The following SHISAL1 variants were observed in gnomAD, a reference collection of about 807,000 sequenced individuals.
SHISAL1 encodes the protein shisa like 1, also known as protein shisa-like-1.
Under a neutral mutation model 22.6 loss-of-function variants are expected in SHISAL1, and 9 were observed. The observed-to-expected ratio is 0.40, with a 90% confidence interval of 0.24 to 0.70. The LOEUF is 0.70. Ranked by LOEUF, SHISAL1 falls within the 30% of genes least tolerant of loss-of-function variation. The pLI, the probability that SHISAL1 is intolerant of heterozygous loss-of-function variation, is 0.39. For missense variants in SHISAL1, 246 were observed against 270.6 expected (o/e 0.91, Z 0.64); for synonymous variants, 119 against 115.4 (o/e 1.03, Z -0.20).
chr22:44,260,583 G>A (rs1025926274), intron 4 of SHISAL1, among the ~76,000 whole-genome samples: 13 of 152,196 alleles, frequency 8.5e-5, no homozygotes, highest in African/African-American at 2.9e-4. Flanking sequence ...TGGTTTCCCC[G>A]GGAATGGTAA....
chr22:44,250,885 G>A (rs1169159311), intron 4 of SHISAL1, among the ~76,000 whole-genome samples: 8 of 152,228 alleles, frequency 5.3e-5, no homozygotes, highest in Non-Finnish European at 8.8e-5. Flanking sequence ...TCAAGGGAGT[G>A]GCTCCGACCA....
At chr22:44,284,467 G>A (rs75401045) in intron 4 of SHISAL1, among the ~76,000 whole-genome samples, 1,672 of 152,194 alleles carry the variant, frequency 0.011, 15 homozygotes, top group Middle Eastern at 0.02. Flanking sequence ...GTCACTGTGC[G>A]GCAAACTCCT....
chr22:44,312,561 T>C (rs1209147858), intron 1 of SHISAL1, among the ~76,000 whole-genome samples, 190 bp downstream of exon 1: 1 of 152,194 alleles, frequency 6.6e-6, no homozygotes, highest in African/African-American at 2.4e-5. Context: ...GCTCCCCATC[T>C]TGCCCCACTG....
chr22:44,249,539 G>T lies in SHISAL1; in HGVS notation c.*146C>A. On this transcript the variant is annotated 3_prime_UTR_variant, in exon 5 of 5. Transcript: ENST00000381176. ...TAATCTTAGAAGTCCGCGGAAGGGG[G>T]CTTTGGGCACAGGCAGCATTTCCTC... The T allele has an allele frequency of 1.5e-6, 1 of 668,974 alleles. No homozygotes were observed. Among genetic ancestry groups the T allele is most frequent in the Non-Finnish European group, 2.8e-6 (1 of 363,076 alleles). The allele number at this position is 668,974 out of a possible 1,614,324, so 41.4% of individuals were successfully genotyped here.
At chr22:44,313,265 C>A (rs62230309), upstream of SHISAL1, among the ~76,000 whole-genome samples, 26,146 of 152,302 alleles carry the variant, frequency 0.17, 2,662 homozygotes, top group Non-Finnish European at 0.23. Context: ...CATGTGGGTT[C>A]CCTCCCGTGG....
intron 3 of SHISAL1, among the ~76,000 whole-genome samples, chr22:44,290,309 C>T (rs2055343967): frequency 6.6e-6 from 1 of 152,156 alleles, no homozygotes; most frequent in African/African-American, 2.4e-5. Context: ...GTGGGTGGAT[C>T]ACCTGAGGTC....
chr22:44,281,360 G>T (rs1433701747), intron 4 of SHISAL1, among the ~76,000 whole-genome samples: 1 of 152,158 alleles, frequency 6.6e-6, no homozygotes, highest in Non-Finnish European at 1.5e-5. Context: ...GGTCCAGATA[G>T]TGAGGTCAGG....
chr22:44,271,268 C>T (rs1219131861), intron 4 of SHISAL1, among the ~76,000 whole-genome samples: 2 of 152,204 alleles, frequency 1.3e-5, no homozygotes, highest in Non-Finnish European at 2.9e-5. Flanking sequence ...GCCCATTGTT[C>T]CTGCCTGCCC....
At chr22:44,270,142 C>T (rs529297635) in intron 4 of SHISAL1, among the ~76,000 whole-genome samples, 3 of 152,330 alleles carry the variant, frequency 2.0e-5, no homozygotes, top group African/African-American at 7.2e-5. Context: ...CAAAACCCCA[C>T]CTGACGAAGT....
intron 3 of SHISAL1, 53 bp downstream of exon 3, chr22:44,296,619 C>G (rs2055387852): frequency 6.4e-7 from 1 of 1,550,620 alleles, no homozygotes; most frequent in Middle Eastern, 2.2e-4. Context: ...GGGAGGCAGG[C>G]CCCTTGCCTG....
At chr22:44,282,975 G>A (rs992417928) in intron 4 of SHISAL1, among the ~76,000 whole-genome samples, 11 of 152,164 alleles carry the variant, frequency 7.2e-5, no homozygotes, top group African/African-American at 2.7e-4. Context: ...AGATGTCCTG[G>A]GTCACACAGC....
chr22:44,300,681 G>A (rs902643493), intron 2 of SHISAL1, among the ~76,000 whole-genome samples, 198 bp downstream of exon 2: 1 of 151,988 alleles, frequency 6.6e-6, no homozygotes, highest in African/African-American at 2.4e-5. Flanking sequence ...TAGAGATAGA[G>A]ACAGAGAGAC....
chr22:44,251,908 A>T (rs1053860215), intron 4 of SHISAL1, among the ~76,000 whole-genome samples: 12 of 151,478 alleles, frequency 7.9e-5, no homozygotes, highest in African/African-American at 2.7e-4. Flanking sequence ...CCGTATACTT[A>T]AAAATGGTTA....
chr22:44,328,171 A>G, the SHISAL1 span, among the ~76,000 whole-genome samples: 1 of 152,180 alleles, frequency 6.6e-6, no homozygotes, highest in Non-Finnish European at 1.5e-5. Flanking sequence ...ATGACTAGAA[A>G]GTGAGACTGC....
At chr22:44,258,620 C>G (rs967103457) in intron 4 of SHISAL1, among the ~76,000 whole-genome samples, 1 of 152,134 alleles carries the variant, frequency 6.6e-6, no homozygotes, top group South Asian at 2.1e-4. Context: ...GCCTCCAGCT[C>G]CATCCATGTC....
the SHISAL1 span, among the ~76,000 whole-genome samples, chr22:44,320,688 A>G: frequency 6.6e-6 from 1 of 152,190 alleles, no homozygotes; most frequent in Non-Finnish European, 1.5e-5. Flanking sequence ...TCTTTGGCCC[A>G]GCTCCAGCCG....
At chr22:44,253,136 C>G (rs1402109179) in intron 4 of SHISAL1, among the ~76,000 whole-genome samples, 1 of 152,144 alleles carries the variant, frequency 6.6e-6, no homozygotes, top group East Asian at 1.9e-4. Context: ...AAATGATAAA[C>G]GTTATGTGCA....
upstream of SHISAL1, among the ~76,000 whole-genome samples, chr22:44,315,514 C>T (rs553678167): frequency 2.6e-5 from 4 of 152,326 alleles, no homozygotes; most frequent in East Asian, 1.9e-4. Flanking sequence ...AGCCCACATA[C>T]ACCTCGTCCC....
chr22:44,329,186 G>A, the SHISAL1 span, among the ~76,000 whole-genome samples: 1 of 152,206 alleles, frequency 6.6e-6, no homozygotes, highest in African/African-American at 2.4e-5. Flanking sequence ...AGGGTGAGCC[G>A]AGGCCCTTCA....
Sources: gnomAD v4.1 joint callset for allele counts (sites outside exome capture counted in the v4.1 genomes callset) on GRCh38, gnomAD v4.1.1 for gene constraint, MANE v1.5 for transcripts, NCBI Gene and HGNC (gene_info 2026-07-23, HGNC 2026-07-21) for gene names.